Variants in SH2D4B observed in about 807,000 individuals in gnomAD.
SH2D4B encodes the protein SH2 domain containing 4B.
In SH2D4B, 45 loss-of-function variants were observed where a neutral mutation model predicts 61.5. That is an observed-to-expected ratio of 0.73 (90% confidence interval 0.58 to 0.94). SH2D4B has a LOEUF of 0.94. SH2D4B is among the 40% of genes least tolerant of loss of function. SH2D4B has a pLI of 0.00. For missense variants in SH2D4B, 572 were observed against 574.2 expected (o/e 1.00, Z 0.04); for synonymous variants, 224 against 220.4 (o/e 1.02, Z -0.14).
At chr10:80,566,356 C>T (rs1343637697) in intron 1 of SH2D4B, among the ~76,000 whole-genome samples, 1 of 147,418 alleles carries the variant, frequency 6.8e-6, no homozygotes, top group East Asian at 2.0e-4. Context: ...AGTGCAGTGG[C>T]GTGATCTTGG....
chr10:80,553,895 G>T (rs536338264), intron 1 of SH2D4B, among the ~76,000 whole-genome samples: 1 of 152,200 alleles, frequency 6.6e-6, no homozygotes, highest in Non-Finnish European at 1.5e-5. Flanking sequence ...CTTTCTAACT[G>T]TGGCTGTTTC....
chr10:80,538,305 T>C lies in SH2D4B; in HGVS notation c.-27T>C. On this transcript the variant is annotated 5_prime_UTR_variant, in exon 1 of 8. Transcript: ENST00000646907. The surrounding 1 kb of genome is among the most constrained non-coding windows in gnomAD (Gnocchi z 4.8). ...CCCTGCTTCCCCTGCTGGCTGCCCT[T>C]CTGGTGCGTGCATCCCAGGTGGCAT... 7.7e-7 allele frequency: 1 copy of C among 1,295,350 alleles called. No homozygotes were observed. The highest frequency in any genetic ancestry group is 9.9e-7 in the Non-Finnish European group (1 of 1,012,820). The allele number at this position is 1,295,350 out of a possible 1,614,324, so 80.2% of individuals were successfully genotyped here.
At chr10:80,613,905 T>C (rs1842630996) in intron 6 of SH2D4B, among the ~76,000 whole-genome samples, 1 of 152,196 alleles carries the variant, frequency 6.6e-6, no homozygotes, top group Non-Finnish European at 1.5e-5. Context: ...CTCCTCCGGA[T>C]TGCTGTTTGG....
intron 3 of SH2D4B, among the ~76,000 whole-genome samples, chr10:80,587,329 G>A: frequency 6.6e-6 from 1 of 151,870 alleles, no homozygotes. Flanking sequence ...TGCCCAGGGT[G>A]GAGTGCAGTG....
chr10:80,592,999 G>A (rs1038569975), intron 4 of SH2D4B, among the ~76,000 whole-genome samples: 10 of 152,044 alleles, frequency 6.6e-5, no homozygotes, highest in Non-Finnish European at 1.2e-4. Flanking sequence ...GATTACAGGC[G>A]TCAGCCACCA....
intron 3 of SH2D4B, among the ~76,000 whole-genome samples, chr10:80,587,737 G>A (rs749833170): frequency 6.6e-5 from 10 of 152,064 alleles, no homozygotes; most frequent in South Asian, 2.1e-4. Context: ...GTCATTCCCC[G>A]TCTCCCTGTC....
chr10:80,570,909 C>T (rs1248521435), intron 2 of SH2D4B, among the ~76,000 whole-genome samples: 3 of 152,100 alleles, frequency 2.0e-5, no homozygotes, highest in Admixed American at 2.0e-4. Context: ...GGGTCTCACT[C>T]TGTTTCCCAG....
At chr10:80,597,533 G>T (rs1198853111) in intron 4 of SH2D4B, among the ~76,000 whole-genome samples, 3 of 152,166 alleles carry the variant, frequency 2.0e-5, no homozygotes, top group Non-Finnish European at 4.4e-5. Flanking sequence ...AGGCATGGCG[G>T]TGTGCACCTG....
At chr10:80,565,089 G>A (rs1262134912) in intron 1 of SH2D4B, among the ~76,000 whole-genome samples, 1 of 152,206 alleles carries the variant, frequency 6.6e-6, no homozygotes, top group Non-Finnish European at 1.5e-5. Flanking sequence ...GTCTATGAGT[G>A]GCTGAAGTAT....
chr10:80,628,444 C>T (rs1031902335), intron 6 of SH2D4B, among the ~76,000 whole-genome samples: 1 of 152,188 alleles, frequency 6.6e-6, no homozygotes, highest in Non-Finnish European at 1.5e-5. Flanking sequence ...ATTGTGAGGC[C>T]TCCCCAGCCA....
chr10:80,587,814 G>C (rs1481441809), intron 3 of SH2D4B, among the ~76,000 whole-genome samples: 2 of 152,044 alleles, frequency 1.3e-5, no homozygotes, highest in Non-Finnish European at 2.9e-5. Flanking sequence ...CCAGTGTTTA[G>C]CTTCCACTTA....
In SH2D4B at chr10:80,631,609, A is replaced by G. The variant is rs141185622; in HGVS notation, c.989-2676A>G. Among the ~76,000 whole-genome samples, 414 of 152,340 alleles carry G rather than the reference A, an allele frequency of 2.7e-3. 1 individual carries two copies. Among genetic ancestry groups the G allele is most frequent in the Non-Finnish European group, 3.8e-3 (260 of 68,020 alleles). On this transcript the variant is annotated intron_variant, in intron 6 of 7. Coordinates refer to ENST00000646907, the MANE Select transcript of SH2D4B (RefSeq NM_001388272.1). Reference sequence around the variant, plus strand: ...GAGATGTGGTGTATGTGCACAATGGAATAGTATTTGGCCTTTAAAAAGAAT... The same window carrying G: ...GAGATGTGGTGTATGTGCACAATGGGATAGTATTTGGCCTTTAAAAAGAAT...
intron 1 of SH2D4B, among the ~76,000 whole-genome samples, chr10:80,541,779 C>G (rs754009707): frequency 3.3e-5 from 5 of 152,120 alleles, no homozygotes; most frequent in Non-Finnish European, 7.3e-5. Flanking sequence ...GAATCATTCT[C>G]GTTTACAGAA....
Position 80,617,554 on chromosome 10 carries a change from G to A in SH2D4B, c.988+8003G>A, listed in dbSNP as rs58644574. 4.3e-3 allele frequency among the ~76,000 whole-genome samples: 651 copies of A among 152,266 alleles called. 6 individuals are homozygous for A. Among genetic ancestry groups the A allele is most frequent in the African/African-American group, 0.015 (616 of 41,536 alleles). On this transcript the variant is annotated intron_variant, in intron 6 of 7. Coordinates refer to ENST00000646907, the MANE Select transcript of SH2D4B (RefSeq NM_001388272.1). ...AAGTTTGTGTTGAGTGCTAAGTACA[G>A]GGTGTGTGGTGATGAACAAAACTGG...
At chr10:80,558,286 T>C (rs1002285130) in intron 1 of SH2D4B, among the ~76,000 whole-genome samples, 2 of 152,148 alleles carry the variant, frequency 1.3e-5, no homozygotes, top group African/African-American at 4.8e-5. Context: ...GAATGTTCTG[T>C]ATGTACTTGA....
At chr10:80,573,897 C>G (rs912719422) in intron 3 of SH2D4B, among the ~76,000 whole-genome samples, 1 of 152,022 alleles carries the variant, frequency 6.6e-6, no homozygotes. Flanking sequence ...AGAATTGCAT[C>G]AATTTATAGC....
intron 1 of SH2D4B, among the ~76,000 whole-genome samples, chr10:80,560,534 T>C: frequency 6.6e-6 from 1 of 151,594 alleles, no homozygotes. Context: ...TATAGGTGCA[T>C]ACCACCACAC....
chr10:80,636,898 CTTCTAGGGTTTTT>C (rs1485346358), intron 7 of SH2D4B, among the ~76,000 whole-genome samples: 1 of 152,132 alleles, frequency 6.6e-6, no homozygotes, highest in African/African-American at 2.4e-5. Context: ...CCTAGGTTTT[CTTCTAGGGTTTTT>C]ATGGTTTTAG....
chr10:80,611,175 C>CAAAA (rs35997031), intron 6 of SH2D4B, among the ~76,000 whole-genome samples: 10 of 45,034 alleles, frequency 2.2e-4, no homozygotes, highest in Non-Finnish European at 3.6e-4. Flanking sequence ...GACTCAGTCT[C>CAAAA]AAAAAAAAAA....
Sources: allele counts gnomAD v4.1 joint callset (sites outside exome capture counted in the v4.1 genomes callset), GRCh38; gene constraint gnomAD v4.1.1; non-coding constraint Gnocchi (gnomAD v3.1); transcripts MANE v1.5; gene names NCBI Gene and HGNC (gene_info 2026-07-23, HGNC 2026-07-21).